Variants in REDIC1 observed in about 807,000 individuals in gnomAD.
REDIC1 encodes the protein HEI10 Interacting Protein 1.
At chr12:39,704,827 A>T in the REDIC1 span, among the ~76,000 whole-genome samples, 1 of 152,158 alleles carries the variant, frequency 6.6e-6, no homozygotes, top group Non-Finnish European at 1.5e-5. Context: ...CAAGAACAAA[A>T]AACCAAACAC....
the REDIC1 span, among the ~76,000 whole-genome samples, chr12:39,792,238 A>G: frequency 7.3e-6 from 1 of 136,782 alleles, no homozygotes; most frequent in Non-Finnish European, 1.6e-5. Flanking sequence ...GATGGATTAA[A>G]GATTTAAACG....
chr12:39,900,876 G>A, the REDIC1 span, among the ~76,000 whole-genome samples: 11 of 152,094 alleles, frequency 7.2e-5, no homozygotes, highest in African/African-American at 9.7e-5. Context: ...ATCCCGCATC[G>A]CCAAGTCAAT....
the REDIC1 span, among the ~76,000 whole-genome samples, chr12:39,841,506 C>G: frequency 6.6e-5 from 10 of 151,914 alleles, no homozygotes; most frequent in African/African-American, 2.2e-4. Context: ...TAGTTAAAAA[C>G]CTCAATTGTA....
the REDIC1 span, among the ~76,000 whole-genome samples, chr12:39,713,943 CT>C: frequency 6.8e-6 from 1 of 146,528 alleles, no homozygotes; most frequent in East Asian, 2.0e-4. Context: ...GTGCATATAC[CT>C]ATATATACGT....
At chr12:39,775,279 A>G in the REDIC1 span, among the ~76,000 whole-genome samples, 5 of 152,250 alleles carry the variant, frequency 3.3e-5, no homozygotes, top group African/African-American at 1.2e-4. Context: ...TGGATAGAAG[A>G]CTGGTGAAAA....
At chr12:39,768,545 C>A in the REDIC1 span, among the ~76,000 whole-genome samples, 1 of 151,912 alleles carries the variant, frequency 6.6e-6, no homozygotes, top group Non-Finnish European at 1.5e-5. Context: ...CATTTAGAGG[C>A]CATTGTAGAG....
the REDIC1 span, chr12:39,721,008 T>C: frequency 1.2e-6 from 2 of 1,613,634 alleles, no homozygotes; most frequent in Admixed American, 1.7e-5. Context: ...TGCAGTGCAA[T>C]TCAGCCCACA....
the REDIC1 span, among the ~76,000 whole-genome samples, chr12:39,710,285 G>T: frequency 6.6e-6 from 1 of 151,942 alleles, no homozygotes; most frequent in East Asian, 1.9e-4. Context: ...ATCTTTATCA[G>T]ATTTTCATAT....
At chr12:39,805,512 TG>T in the REDIC1 span, among the ~76,000 whole-genome samples, 3 of 14,586 alleles carry the variant, frequency 2.1e-4, no homozygotes, top group African/African-American at 4.8e-4. Flanking sequence ...ATGCCTCTGT[TG>T]GTTTTTTTTT....
the REDIC1 span, among the ~76,000 whole-genome samples, chr12:39,841,091 T>A: frequency 6.6e-6 from 1 of 152,092 alleles, no homozygotes; most frequent in Non-Finnish European, 1.5e-5. Flanking sequence ...ATTTCTCACC[T>A]CTTCCCCTTA....
the REDIC1 span, among the ~76,000 whole-genome samples, chr12:39,674,869 T>C: frequency 5.3e-5 from 8 of 152,204 alleles, no homozygotes; most frequent in South Asian, 1.7e-3. Context: ...CTGTAATAAT[T>C]TTGACTAAGC....
the REDIC1 span, chr12:39,682,935 T>TA: frequency 6.2e-7 from 1 of 1,613,398 alleles, no homozygotes; most frequent in Non-Finnish European, 8.5e-7. Context: ...CTAGTTCTGA[T>TA]AAAAACCATG....
the REDIC1 span, among the ~76,000 whole-genome samples, chr12:39,778,976 G>A: frequency 0.95 from 145,404 of 152,256 alleles, 69,476 homozygotes; most frequent in East Asian, 1. Context: ...TAATTGCAGG[G>A]AAAAGAACTA....
chr12:39,825,706 CTCT>C, the REDIC1 span, among the ~76,000 whole-genome samples: 1 of 152,064 alleles, frequency 6.6e-6, no homozygotes, highest in African/African-American at 2.4e-5. Flanking sequence ...TGCCTTCTCT[CTCT>C]TCTTGATTAG....
chr12:39,667,520 G>T, the REDIC1 span, among the ~76,000 whole-genome samples: 1 of 152,156 alleles, frequency 6.6e-6, no homozygotes, highest in Non-Finnish European at 1.5e-5. Context: ...GTGCGGTGTC[G>T]TGCTGAGAAG....
the REDIC1 span, among the ~76,000 whole-genome samples, chr12:39,766,466 G>A: frequency 6.6e-6 from 1 of 152,142 alleles, no homozygotes; most frequent in Non-Finnish European, 1.5e-5. Context: ...TTTGGTGGAG[G>A]GTCTTGCCTC....
chr12:39,885,679 C>G, the REDIC1 span, among the ~76,000 whole-genome samples: 3 of 152,182 alleles, frequency 2.0e-5, no homozygotes, highest in African/African-American at 7.2e-5. Flanking sequence ...AATTAATTCT[C>G]TTCTACCTCG....
the REDIC1 span, among the ~76,000 whole-genome samples, chr12:39,700,148 G>C: frequency 1.3e-5 from 2 of 152,096 alleles, no homozygotes; most frequent in South Asian, 4.1e-4. Context: ...TCCGAGCTAT[G>C]GGAGGACATT....
the REDIC1 span, chr12:39,788,557 T>C: frequency 1.3e-5 from 2 of 152,132 alleles, no homozygotes; most frequent in Non-Finnish European, 2.9e-5. Flanking sequence ...AAATTGCCCG[T>C]TTAATATTTT....
Sources: gnomAD v4.1 joint callset for allele counts (sites outside exome capture counted in the v4.1 genomes callset) on GRCh38, gnomAD v4.1.1 for gene constraint, MANE v1.5 for transcripts, NCBI Gene and HGNC (gene_info 2026-07-23, HGNC 2026-07-21) for gene names.